THEMIS: variants seen among roughly 807,000 people sequenced by gnomAD.
The protein encoded by THEMIS is thymocyte selection associated.
In THEMIS, 37 loss-of-function variants were observed where a neutral mutation model predicts 52.6. The ratio of observed to expected loss-of-function variants is 0.70; its 90% CI spans 0.54 to 0.93. The LOEUF (loss-of-function observed/expected upper bound fraction) is 0.93. Ranked by LOEUF, THEMIS falls within the 40% of genes least tolerant of loss-of-function variation. THEMIS has a pLI of 0.00. For missense variants in THEMIS, 808 were observed against 763.1 expected, an observed-to-expected ratio of 1.06 and a Z score of -0.69; for synonymous variants, 292 against 272.7, an observed-to-expected ratio of 1.07 and a Z score of -0.70.
chr6:127,901,177 C>T (rs189844461), upstream of THEMIS: 2 of 547,720 alleles, frequency 3.7e-6, no homozygotes, highest in East Asian at 6.1e-5. Flanking sequence ...TTCCTTCTGA[C>T]ATTGAAGTTG....
intron 4 of THEMIS, among the ~76,000 whole-genome samples, chr6:127,750,519 C>A (rs1474454838): frequency 6.6e-6 from 1 of 151,616 alleles, no homozygotes; most frequent in African/African-American, 2.4e-5. Context: ...GAAGTCAATG[C>A]ATTATTAATA....
intron 4 of THEMIS, among the ~76,000 whole-genome samples, chr6:127,786,766 C>T (rs927734558): frequency 1.3e-5 from 2 of 152,058 alleles, no homozygotes; most frequent in African/African-American, 4.8e-5. Context: ...TCAACTTTTG[C>T]AGAACTCTAG....
chr6:127,854,944 A>T (rs1583356896), intron 2 of THEMIS, 86 bp downstream of exon 2: 1 of 1,223,594 alleles, frequency 8.2e-7, no homozygotes, highest in Admixed American at 3.0e-5. Context: ...AAAACAGACC[A>T]TTTTTTTCTT....
At chr6:127,910,639 T>C (rs1218145654) in intron 1 of THEMIS, among the ~76,000 whole-genome samples, 2 of 152,110 alleles carry the variant, frequency 1.3e-5, no homozygotes, top group African/African-American at 4.8e-5. Flanking sequence ...AAATAATTAT[T>C]TGAGAATAGG....
At chr6:127,805,025 G>A (rs1777654493) in intron 4 of THEMIS, among the ~76,000 whole-genome samples, 2 of 151,920 alleles carry the variant, frequency 1.3e-5, no homozygotes, top group African/African-American at 4.8e-5. Context: ...TTAATTTTGT[G>A]TGCACCTTCA....
chr6:127,895,106 T>G (rs2114484719), intron 1 of THEMIS, among the ~76,000 whole-genome samples: 1 of 151,144 alleles, frequency 6.6e-6, no homozygotes, highest in East Asian at 1.9e-4. Context: ...TAAATCACAT[T>G]ATTATCTTAA....
chr6:127,890,780 G>A (rs955140171), intron 1 of THEMIS, among the ~76,000 whole-genome samples: 2 of 151,820 alleles, frequency 1.3e-5, no homozygotes, highest in Admixed American at 6.6e-5. Context: ...GAAAAATAGT[G>A]TATATTATTA....
At chr6:127,787,553 A>C (rs11967147) in intron 4 of THEMIS, among the ~76,000 whole-genome samples, 23,182 of 152,132 alleles carry the variant, frequency 0.15, 1,986 homozygotes, top group African/African-American at 0.23. Flanking sequence ...AACTGTCCTG[A>C]AAGTATGTGT....
At chr6:127,899,991 A>G (rs1781089864) in intron 1 of THEMIS, among the ~76,000 whole-genome samples, 1 of 150,458 alleles carries the variant, frequency 6.6e-6, no homozygotes, top group South Asian at 2.1e-4. Context: ...TATGTAATAC[A>G]TTATTTTGTC....
At chr6:127,746,682 A>C (rs1276273234) in intron 4 of THEMIS, among the ~76,000 whole-genome samples, 1 of 127,218 alleles carries the variant, frequency 7.9e-6, no homozygotes, top group Non-Finnish European at 1.6e-5. Flanking sequence ...GATTTGTTAT[A>C]CATATATTTT....
At chr6:127,697,681 C>G in the THEMIS span, among the ~76,000 whole-genome samples, 2 of 152,142 alleles carry the variant, frequency 1.3e-5, no homozygotes, top group Non-Finnish European at 2.9e-5. Context: ...TTGTTAATCT[C>G]AATGCCTTGG....
At chr6:127,878,063 C>A (rs1032196564) in intron 1 of THEMIS, among the ~76,000 whole-genome samples, 2 of 152,178 alleles carry the variant, frequency 1.3e-5, no homozygotes, top group Non-Finnish European at 2.9e-5. Flanking sequence ...CCGCAAATAT[C>A]ACATGCTTTT....
intron 3 of THEMIS, among the ~76,000 whole-genome samples, chr6:127,815,751 T>G (rs879444601): frequency 2.0e-5 from 3 of 152,178 alleles, no homozygotes; most frequent in African/African-American, 4.8e-5. Context: ...GAGCTAGGTT[T>G]AAGAATTCTA....
At chr6:127,723,880 C>T (rs1445538125) in intron 4 of THEMIS, among the ~76,000 whole-genome samples, 1 of 152,048 alleles carries the variant, frequency 6.6e-6, no homozygotes, top group South Asian at 2.1e-4. Context: ...ATGTCTATCT[C>T]CCTGGCTAAA....
At position 127,719,670 on chromosome 6, in the gene THEMIS, C is replaced by T. The variant is rs759735656; in HGVS notation, c.1894+18G>A. On this transcript the variant is annotated intron_variant, in intron 5 of 5. Coordinates refer to ENST00000368248, the MANE Select transcript of THEMIS (RefSeq NM_001010923.3). ...GTTAAACCACCGTGGTTTAACTGAC[C>T]TATAGTCACATCAGTACCTGCTATT... 1 of 1,598,740 alleles carries T rather than the reference C, an allele frequency of 6.3e-7. No homozygotes were observed. The highest frequency in any genetic ancestry group is 1.1e-5 in the South Asian group (1 of 88,514).
intron 4 of THEMIS, among the ~76,000 whole-genome samples, chr6:127,771,221 A>G (rs564147673): frequency 6.6e-6 from 1 of 152,302 alleles, no homozygotes; most frequent in East Asian, 1.9e-4. Flanking sequence ...GATGTGAAGA[A>G]CCTCTTCAAG....
rs574791764 is a variant in THEMIS at position 127,798,032 on chromosome 6, C to T, written c.1758+14851G>A. 1.1e-4 allele frequency among the ~76,000 whole-genome samples: 17 copies of T among 152,318 alleles called. No homozygotes were observed. The East Asian group carries it at 1.2e-3, about 10-fold the overall frequency. On this transcript the variant is annotated intron_variant, in intron 4 of 5. Transcript: ENST00000368248. ...GTTAGACTACACACATGTGTACATA[C>T]GCATATGTGTTCATACGTCACTTTA...
chr6:127,813,882 T>C lies in THEMIS; in HGVS notation c.759A>G (p.Lys253=). The C allele has an allele frequency of 1.2e-6, 2 of 1,603,376 alleles. No homozygotes were observed. The highest frequency in any genetic ancestry group is 1.7e-6 in the Non-Finnish European group (2 of 1,176,584). Residue 253 remains lysine (K), a synonymous_variant, in exon 4 of 6, where the codon AAA becomes AAG. Coordinates refer to ENST00000368248, the MANE Select transcript of THEMIS (RefSeq NM_001010923.3). ...TAGCATCGTAAGAATCAGTGATGTC[T>C]TTGACTTCGACATCTAGACTGGGGA... ...RILPSLDVEV[K]DITDSYDANW... is the part of the protein sequence containing the mutation.
chr6:127,790,953 C>G (rs961188023), intron 4 of THEMIS, among the ~76,000 whole-genome samples: 28 of 152,202 alleles, frequency 1.8e-4, no homozygotes, highest in African/African-American at 6.3e-4. Context: ...TGCCAGGAAC[C>G]ACAGAACCCC....
Sources: gnomAD v4.1 joint callset for allele counts (sites outside exome capture counted in the v4.1 genomes callset) on GRCh38, gnomAD v4.1.1 for gene constraint, MANE v1.5 for transcripts, NCBI Gene and HGNC (gene_info 2026-07-23, HGNC 2026-07-21) for gene names.